The following GINS1 variants were observed in gnomAD, a reference collection of about 807,000 sequenced individuals.
GINS1 encodes the protein GINS complex subunit 1.
In GINS1, 26 loss-of-function variants were observed where a neutral mutation model predicts 34.9. That is an observed-to-expected ratio of 0.74 (90% confidence interval 0.55 to 1.03). The LOEUF (loss-of-function observed/expected upper bound fraction) is 1.03, where lower values mean the gene tolerates loss of function less well. Ranked by LOEUF, GINS1 falls within the 50% of genes least tolerant of loss-of-function variation. The probability of loss-of-function intolerance (pLI) is 0.00; values close to 1 mark genes in which losing one functional copy is unlikely to be tolerated. For synonymous variants in GINS1, 97 were observed against 84.4 expected (o/e 1.15, Z -0.82); for missense variants, 235 against 237.9 (o/e 0.99, Z 0.08).
chr20:25,437,314 A>G (rs934511546), intron 5 of GINS1, among the ~76,000 whole-genome samples: 2 of 152,264 alleles, frequency 1.3e-5, no homozygotes, highest in East Asian at 1.9e-4. Context: ...AGAAACAGCA[A>G]TCAGCAGTGA....
chr20:25,419,026 A>G (rs937931843), intron 4 of GINS1, among the ~76,000 whole-genome samples: 4 of 152,238 alleles, frequency 2.6e-5, no homozygotes, highest in Admixed American at 2.6e-4. Context: ...CTCAGGGCAC[A>G]TCATAAATAA....
chr20:25,413,537 G>A (rs2090300531), intron 1 of GINS1: 1 of 450,608 alleles, frequency 2.2e-6, no homozygotes, highest in South Asian at 3.6e-5. Flanking sequence ...GTAATTCTGT[G>A]TGTAGCTTTT....
intron 5 of GINS1, among the ~76,000 whole-genome samples, chr20:25,437,150 G>C (rs532224673): frequency 3.2e-4 from 48 of 152,282 alleles, no homozygotes; most frequent in Middle Eastern, 3.4e-3. Context: ...GCTCCTGAAA[G>C]GGGGAAAAAA....
In GINS1 at chr20:25,423,452, C is replaced by CTTTTCTTTTTT. The variant is rs1568802527; in HGVS notation, c.331-1755_331-1754insCTTTTTTTTTT. ...AAGGTTATTAAGATATTTTTCTTTT[C>CTTTTCTTTTTT]TTTTTTTTTTTTTTTTTTTTTTTTT... On this transcript the variant is annotated intron_variant, in intron 4 of 6. Coordinates refer to ENST00000262460, the MANE Select transcript of GINS1 (RefSeq NM_021067.5). Among the ~76,000 whole-genome samples, 21 of 29,992 alleles carry CTTTTCTTTTTT rather than the reference C, an allele frequency of 7.0e-4. 5 individuals carry two copies. In the East Asian group the frequency reaches 0.012, roughly 17 times the overall value. 19.7% of individuals were successfully genotyped at this position (29,992 alleles called of 152,430 possible). A position where few individuals can be genotyped will look rare whatever the true frequency, so the allele number is the denominator to read the frequency against.
rs1291824081 is a variant in GINS1, at chr20:25,447,644, T to A, written c.*1653T>A. On this transcript the variant is annotated 3_prime_UTR_variant, in exon 7 of 7. Transcript: ENST00000262460. Reference sequence around the variant, plus strand: ...TTAATGTGTCATATTTTTGCTGTTGTTTGTATTTTTTGTAGAGATGGGGTT... The same window carrying A: ...TTAATGTGTCATATTTTTGCTGTTGATTGTATTTTTTGTAGAGATGGGGTT... The A allele has an allele frequency of 1.3e-5, 2 of 152,246 alleles. No individual in the cohort carries two copies. The highest frequency in any genetic ancestry group is 4.8e-5 in the African/African-American group (2 of 41,458). The allele number at this position is 152,246 out of a possible 1,614,324, so 9.4% of individuals were successfully genotyped here.
Position 25,417,118 on chromosome 20 carries a change from C to T in GINS1, c.155C>T (p.Ser52Leu), listed in dbSNP as rs2090325593. Residue 52 changes from serine (S) to leucine (L), a missense_variant, in exon 3 of 7, where the codon TCA becomes TTA. Ser to Leu is a moderately radical substitution (Grantham distance 145). Transcript: ENST00000262460. ...QNQSDVNEAK[S>L]GGRSDLIPTI... ...GCTCCTATCAGGAATGAAGCAAAGT[C>T]AGGTGGACGAAGTGATTTGATACCA... is the stretch of plus-strand genomic sequence containing the variant. 6.4e-7 allele frequency: 1 copy of T among 1,556,820 alleles called. No individual in the cohort carries two copies. The highest frequency in any genetic ancestry group is 8.9e-7 in the Non-Finnish European group (1 of 1,129,642).
intron 4 of GINS1, among the ~76,000 whole-genome samples, chr20:25,418,494 A>T (rs1490687374): frequency 6.6e-6 from 1 of 152,226 alleles, no homozygotes; most frequent in African/African-American, 2.4e-5. Flanking sequence ...TGAAATGTTT[A>T]CATGTGTATA....
rs78882779 is a variant in GINS1, at chr20:25,425,463, C to A, written c.447+136C>A. 1.7e-4 allele frequency: 83 copies of A among 498,168 alleles called. No individual in the cohort carries two copies. The East Asian group carries it at 2.5e-3, about 15-fold the overall frequency. 30.9% of individuals were successfully genotyped at this position (498,168 alleles called of 1,614,324 possible). The stretch of plus-strand genomic sequence containing the variant: ...GCATAGACCAAATCAAACAAGCTAC[C>A]TGTAGGGGGATGACAGAATACGATG... On this transcript the variant is annotated intron_variant, in intron 5 of 6. Transcript: ENST00000262460.
chr20:25,415,110 T>C (rs2090312155), intron 2 of GINS1, among the ~76,000 whole-genome samples: 1 of 152,228 alleles, frequency 6.6e-6, no homozygotes, highest in South Asian at 2.1e-4. Context: ...ACAGTGTTTT[T>C]ATCAGTTACT....
At chr20:25,411,740 C>A (rs1250864835) in intron 1 of GINS1, among the ~76,000 whole-genome samples, 1 of 151,806 alleles carries the variant, frequency 6.6e-6, no homozygotes, top group Non-Finnish European at 1.5e-5. Flanking sequence ...GTCAGGAGTT[C>A]GAGACCAACC....
At chr20:25,413,627 C>T (rs889022974) in intron 1 of GINS1, 163 bp from the exon 2 acceptor site, 11 of 591,056 alleles carry the variant, frequency 1.9e-5, no homozygotes, top group East Asian at 1.4e-4. Flanking sequence ...CCAGTTTCTC[C>T]GCATCTCACC....
chr20:25,412,527 C>G (rs1042661838), intron 1 of GINS1, among the ~76,000 whole-genome samples: 26 of 152,116 alleles, frequency 1.7e-4, no homozygotes, highest in Non-Finnish European at 2.6e-4. Context: ...TGCACTCCAG[C>G]CCAGGCGACA....
chr20:25,416,338 T>C (rs2090320362), intron 2 of GINS1, among the ~76,000 whole-genome samples: 1 of 152,174 alleles, frequency 6.6e-6, no homozygotes, highest in African/African-American at 2.4e-5. Flanking sequence ...CTTCCTAGTT[T>C]CATCAGACTT....
chr20:25,413,788 A>G lies in GINS1; in HGVS notation c.76-2A>G, dbSNP rs1485928209. 3 of 1,551,274 alleles carry G rather than the reference A, an allele frequency of 1.9e-6. No individual in the cohort carries two copies. The highest frequency in any genetic ancestry group is 2.7e-6 in the Non-Finnish European group (3 of 1,122,638). Reference sequence around the variant, plus strand: ...ATTTCAATATCGGTTTATATGTTCTAGGAGGATGGACTCAGACAAGTTCTG... The same window carrying G: ...ATTTCAATATCGGTTTATATGTTCTGGGAGGATGGACTCAGACAAGTTCTG... On this transcript the variant is annotated splice_acceptor_variant, in intron 1 of 6. Coordinates refer to ENST00000262460, the MANE Select transcript of GINS1 (RefSeq NM_021067.5). LOFTEE classifies it high-confidence loss of function.
rs911919629 is a variant in GINS1 at position 25,447,215 on chromosome 20, T to G, written c.*1224T>G. The G allele has an allele frequency of 6.6e-6, 1 of 152,162 alleles. No individual in the cohort carries two copies. Among genetic ancestry groups the G allele is most frequent in the African/African-American group, 2.4e-5 (1 of 41,432 alleles). 9.4% of individuals were successfully genotyped at this position (152,162 alleles called of 1,614,324 possible). ...CCGCCACGCCTGGCTAATTTTTGTA[T>G]TTTTAGTAGAGACAGAGTTTTACCA... is the stretch of plus-strand genomic sequence containing the variant. On this transcript the variant is annotated 3_prime_UTR_variant, in exon 7 of 7. Transcript: ENST00000262460.
intron 1 of GINS1, chr20:25,413,471 T>G (rs1463668282): frequency 4.2e-6 from 1 of 239,296 alleles, no homozygotes; most frequent in Non-Finnish European, 8.1e-6. Flanking sequence ...AAACATGTGT[T>G]TTCTGTTTTC....
Position 25,426,912 on chromosome 20 carries a change from C to T in GINS1, c.447+1585C>T, listed in dbSNP as rs6050607. 4.6e-3 allele frequency among the ~76,000 whole-genome samples: 704 copies of T among 152,240 alleles called. 11 individuals carry two copies. The highest frequency in any genetic ancestry group is 0.016 in the African/African-American group (671 of 41,550). ...TTATCCATTTATCCATCTATGGACACTGGGTTGCTTCTTTATTTTAGCTAT... is the reference window on the plus strand; with the variant it reads ...TTATCCATTTATCCATCTATGGACATTGGGTTGCTTCTTTATTTTAGCTAT... On this transcript the variant is annotated intron_variant, in intron 5 of 6. Coordinates refer to ENST00000262460, the MANE Select transcript of GINS1 (RefSeq NM_021067.5).
chr20:25,410,374 G>C (rs2090276495), intron 1 of GINS1, among the ~76,000 whole-genome samples: 1 of 151,810 alleles, frequency 6.6e-6, no homozygotes, highest in South Asian at 2.1e-4. Flanking sequence ...TCACTGTCTT[G>C]TAGGTCTTAA....
chr20:25,429,829 C>T (rs547794729), intron 5 of GINS1, among the ~76,000 whole-genome samples: 1 of 152,350 alleles, frequency 6.6e-6, no homozygotes, highest in South Asian at 2.1e-4. Context: ...ATTACTCTGA[C>T]TGTAACTCCA....
Sources: allele counts gnomAD v4.1 joint callset (sites outside exome capture counted in the v4.1 genomes callset), GRCh38; gene constraint gnomAD v4.1.1; transcripts MANE v1.5; gene names NCBI Gene and HGNC (gene_info 2026-07-23, HGNC 2026-07-21).